EI24: variants seen among roughly 807,000 people sequenced by gnomAD.
EI24 encodes etoposide-induced protein 2.4 homolog.
A neutral mutation model predicts 48.6 loss-of-function variants in EI24; 21 were observed. The observed-to-expected ratio is 0.43, with a 90% CI of 0.31 to 0.62. EI24 has a LOEUF of 0.62. Among genes scored for constraint, EI24 ranks in the 20% least tolerant of loss-of-function variants. The probability of loss-of-function intolerance (pLI) is 0.10; values close to 1 mark genes in which losing one functional copy is unlikely to be tolerated. For missense variants in EI24, 280 were observed against 410.5 expected (o/e 0.68, Z 2.75); for synonymous variants, 114 against 145.5 (o/e 0.78, Z 1.56).
At chr11:125,580,316 G>T in intron 8 of EI24, 112 bp downstream of exon 8, 1 of 792,160 alleles carries the variant, frequency 1.3e-6, no homozygotes, top group South Asian at 1.6e-5. Flanking sequence ...ATCCTTTGAG[G>T]GAAGCAGCCT....
chr11:125,572,050 C>A (rs567472915), intron 1 of EI24, among the ~76,000 whole-genome samples: 115 of 152,150 alleles, frequency 7.6e-4, no homozygotes, highest in African/African-American at 2.7e-3. Flanking sequence ...TTGAAGGTAT[C>A]CAGCAAACAT....
chr11:125,578,608 G>A (rs1313242745), intron 6 of EI24, among the ~76,000 whole-genome samples: 2 of 149,448 alleles, frequency 1.3e-5, no homozygotes, highest in Non-Finnish European at 3.0e-5. Context: ...TGGGACTACA[G>A]GCACGTGCCA....
intron 9 of EI24, 96 bp downstream of exon 9, chr11:125,581,418 TC>T: frequency 3.0e-6 from 2 of 658,472 alleles, no homozygotes; most frequent in Non-Finnish European, 5.1e-6. Context: ...GCATTCTACA[TC>T]ATCATTTGTC....
At chr11:125,579,771 A>G (rs1437079723) in intron 7 of EI24, among the ~76,000 whole-genome samples, 4 of 152,152 alleles carry the variant, frequency 2.6e-5, no homozygotes, top group African/African-American at 9.7e-5. Flanking sequence ...GGCTCAAGCA[A>G]TCCTCCTGCC....
At chr11:125,576,115 T>C in intron 3 of EI24, 140 bp from the exon 4 acceptor site, 2 of 821,386 alleles carry the variant, frequency 2.4e-6, no homozygotes, top group Non-Finnish European at 3.9e-6. Context: ...TCTCATTGAC[T>C]GACATTAGAA....
At chr11:125,582,500 A>C (rs542740303) in intron 10 of EI24, 80 bp downstream of exon 10, 1 of 701,056 alleles carries the variant, frequency 1.4e-6, no homozygotes, top group Non-Finnish European at 2.1e-6. Context: ...GAGGCTTTTT[A>C]AAAAAAAAAA....
At chr11:125,579,384 G>A (rs1308877618) in intron 7 of EI24, among the ~76,000 whole-genome samples, 1 of 150,232 alleles carries the variant, frequency 6.7e-6, no homozygotes, top group Admixed American at 6.6e-5. Flanking sequence ...CAGACGGGTC[G>A]GCTGGGCGCA....
chr11:125,572,438 T>C lies in EI24; in HGVS notation c.-70-20T>C. ...CTTTAAAATAAATATTTGCCTCCAT[T>C]ATGTTCCATCTGTTTCCAGATCCTT... On this transcript the variant is annotated intron_variant, in intron 1 of 10. Transcript: ENST00000278903. The C allele has an allele frequency of 8.2e-7, 1 of 1,225,940 alleles. No homozygotes were observed. The highest frequency in any genetic ancestry group is 1.3e-5 in the South Asian group (1 of 79,718). 75.9% of individuals were successfully genotyped at this position (1,225,940 alleles called of 1,614,324 possible).
intron 7 of EI24, among the ~76,000 whole-genome samples, chr11:125,579,667 A>AAAAT (rs765509366): frequency 6.6e-5 from 10 of 152,146 alleles, no homozygotes; most frequent in Non-Finnish European, 1.2e-4. Context: ...AACTGTCTCA[A>AAAAT]AAATAAATAA....
At chr11:125,569,697 A>C in intron 1 of EI24, 124 bp downstream of exon 1, 2 of 313,534 alleles carry the variant, frequency 6.4e-6, no homozygotes, top group East Asian at 5.0e-5. Flanking sequence ...AGGACCCCTT[A>C]TGGGAAGGGG....
intron 5 of EI24, 32 bp from the exon 6 acceptor site, chr11:125,578,101 C>A (rs145115670): frequency 1.9e-6 from 3 of 1,611,668 alleles, no homozygotes; most frequent in East Asian, 4.5e-5. Context: ...TTCCATTTCT[C>A]CATTTCTAGT....
At chr11:125,576,164 C>A in intron 3 of EI24, 91 bp from the exon 4 acceptor site, 2 of 1,225,630 alleles carry the variant, frequency 1.6e-6, no homozygotes, top group South Asian at 2.6e-5. Flanking sequence ...TAATACAGTA[C>A]CCACAAAAGA....
rs1472976192 is a variant in EI24 at position 125,577,539 on chromosome 11, T to C, written c.285T>C (p.Pro95=). 4 of 1,613,886 alleles carry C rather than the reference T, an allele frequency of 2.5e-6. No individual in the cohort carries two copies. The South Asian group carries it at 3.3e-5, about 13-fold the overall frequency. The change falls in exon 5 of 11, where the codon CCT becomes CCC. Residue 95 remains proline (P), a synonymous_variant. Coordinates refer to ENST00000278903, the MANE Select transcript of EI24 (RefSeq NM_004879.5). ...TCTTGTTTTATCGAGTATTTATTCCTGTGCTTCAGTCGGTAACAGCCCGAA... is the reference window on the plus strand; with the variant it reads ...TCTTGTTTTATCGAGTATTTATTCCCGTGCTTCAGTCGGTAACAGCCCGAA... ...SLLLFYRVFI[P]VLQSVTARII... is the part of the protein sequence containing the mutation.
Position 125,577,526 on chromosome 11 carries a change from G to A in EI24, c.272G>A (p.Arg91Gln), listed in dbSNP as rs1203708950. 5.6e-6 allele frequency: 9 copies of A among 1,613,536 alleles called. No homozygotes were observed. Among genetic ancestry groups the A allele is most frequent in the Admixed American group, 1.7e-5 (1 of 59,940 alleles). Reference sequence around the variant, plus strand: ...TAGTTCAGTCTCCTCTTGTTTTATCGAGTATTTATTCCTGTGCTTCAGTCG... The same window carrying A: ...TAGTTCAGTCTCCTCTTGTTTTATCAAGTATTTATTCCTGTGCTTCAGTCG... The part of the protein sequence containing the change: ...VFWFSLLLFY[R>Q]VFIPVLQSVT... The change falls in exon 5 of 11, where the codon CGA becomes CAA. Residue 91 changes from arginine (R) to glutamine (Q), a missense_variant. Coordinates refer to ENST00000278903, the MANE Select transcript of EI24 (RefSeq NM_004879.5).
At chr11:125,579,570 G>C (rs1355094282) in intron 7 of EI24, among the ~76,000 whole-genome samples, 2 of 152,108 alleles carry the variant, frequency 1.3e-5, no homozygotes, top group South Asian at 4.1e-4. Flanking sequence ...GGGAAGCTGA[G>C]GCAGGAGAAT....
chr11:125,580,047 GGT>G, intron 7 of EI24, 44 bp from the exon 8 acceptor site: 3 of 1,453,970 alleles, frequency 2.1e-6, no homozygotes, highest in Non-Finnish European at 2.9e-6. Context: ...AATGGTGCTA[GGT>G]TTCCGAGGCT....
intron 7 of EI24, among the ~76,000 whole-genome samples, chr11:125,579,302 C>G (rs1030138854): frequency 3.3e-5 from 5 of 151,558 alleles, no homozygotes; most frequent in African/African-American, 1.2e-4. Context: ...TCTGGTTATT[C>G]TCCAGTCCTG....
intron 7 of EI24, 82 bp downstream of exon 7, chr11:125,579,150 G>A: frequency 7.3e-7 from 1 of 1,370,470 alleles, no homozygotes; most frequent in East Asian, 2.5e-5. Context: ...CAAAGACAGA[G>A]TATTATATTT....
chr11:125,579,913 C>T lies in EI24; in HGVS notation c.562-180C>T, dbSNP rs368472030. ...TCTTGGCCTCAAGAGATCCTCCCGC[C>T]TCATCCTCCCAAACTGTTGGGATTA... On this transcript the variant is annotated intron_variant, in intron 7 of 10. Transcript: ENST00000278903. Among the ~76,000 whole-genome samples the T allele has an allele frequency of 1.1e-4, 17 of 152,240 alleles. No homozygotes were observed. The South Asian group carries it at 1.2e-3, about 11-fold the overall frequency.
Sources: allele counts gnomAD v4.1 joint callset (sites outside exome capture counted in the v4.1 genomes callset), GRCh38; gene constraint gnomAD v4.1.1; transcripts MANE v1.5; gene names NCBI Gene and HGNC (gene_info 2026-07-23, HGNC 2026-07-21).